STX19: variants seen among roughly 807,000 people sequenced by gnomAD.
STX19 encodes the protein syntaxin 19.
In STX19, 26 loss-of-function variants were observed where a neutral mutation model predicts 24.3. That is an observed-to-expected ratio of 1.07 (90% confidence interval 0.78 to 1.48). The LOEUF is 1.48. Ranked by LOEUF, STX19 falls within the 40% of genes most tolerant of loss-of-function variation. The probability of loss-of-function intolerance (pLI) is 0.00; values close to 1 mark genes in which losing one functional copy is unlikely to be tolerated. For synonymous variants in STX19, 116 were observed against 106.9 expected (o/e 1.09, Z -0.52); for missense variants, 367 against 331.9 (o/e 1.11, Z -0.82).
intron 1 of STX19, 87 bp downstream of exon 1, chr3:94,028,280 T>C (rs1009236062): frequency 6.6e-6 from 1 of 152,180 alleles, no homozygotes; most frequent in Admixed American, 6.5e-5. Context: ...CATTATTTGT[T>C]GAGTGATTTT....
intron 1 of STX19, among the ~76,000 whole-genome samples, chr3:94,027,278 A>G (rs1460473687): frequency 6.6e-6 from 1 of 152,100 alleles, no homozygotes; most frequent in Admixed American, 6.5e-5. Context: ...GTGAGGGCCA[A>G]ATAGTAGTTT....
At chr3:94,018,970 T>G (rs1054937800) in intron 1 of STX19, among the ~76,000 whole-genome samples, 1 of 152,052 alleles carries the variant, frequency 6.6e-6, no homozygotes, top group Admixed American at 6.5e-5. Context: ...TTCACCATGT[T>G]GGCCAGGCTG....
chr3:94,023,933 C>T (rs2076503351), intron 1 of STX19, among the ~76,000 whole-genome samples: 1 of 152,088 alleles, frequency 6.6e-6, no homozygotes, highest in Admixed American at 6.6e-5. Flanking sequence ...GATCACTTTA[C>T]ACTATAAAAG....
chr3:94,019,159 C>T (rs532095874), intron 1 of STX19, among the ~76,000 whole-genome samples: 131 of 152,186 alleles, frequency 8.6e-4, no homozygotes, highest in African/African-American at 3.0e-3. Context: ...GATCTAGCCA[C>T]CTCTTACCAT....
intron 1 of STX19, among the ~76,000 whole-genome samples, chr3:94,025,142 C>A (rs907879756): frequency 6.6e-6 from 1 of 151,994 alleles, no homozygotes; most frequent in Non-Finnish European, 1.5e-5. Context: ...CATGTAATAT[C>A]ATTCCCTGAA....
At chr3:94,018,936 T>G (rs2076390823) in intron 1 of STX19, among the ~76,000 whole-genome samples, 3 of 151,640 alleles carry the variant, frequency 2.0e-5, no homozygotes, top group Non-Finnish European at 1.5e-5. Flanking sequence ...CAGCTAATTT[T>G]TGTATTTTTA....
At chr3:94,022,130 T>G (rs1295652697) in intron 1 of STX19, among the ~76,000 whole-genome samples, 1 of 152,078 alleles carries the variant, frequency 6.6e-6, no homozygotes, top group East Asian at 1.9e-4. Context: ...TTATTTTATT[T>G]TATTTTTTTT....
intron 1 of STX19, among the ~76,000 whole-genome samples, chr3:94,020,017 T>C (rs1164667955): frequency 6.6e-6 from 1 of 152,212 alleles, no homozygotes. Context: ...TTATTTTTCT[T>C]AGCATTTTTC....
intron 1 of STX19, among the ~76,000 whole-genome samples, chr3:94,024,169 C>T (rs2076507721): frequency 6.6e-6 from 1 of 152,132 alleles, no homozygotes; most frequent in Non-Finnish European, 1.5e-5. Context: ...GGATCTCGCT[C>T]TTTTGTCCAG....
At chr3:94,024,221 G>A (rs981570283) in intron 1 of STX19, among the ~76,000 whole-genome samples, 4 of 152,188 alleles carry the variant, frequency 2.6e-5, no homozygotes, top group African/African-American at 9.6e-5. Flanking sequence ...CTTCCACCTT[G>A]ACTATGAATT....
chr3:94,017,828 T>C (rs1041804671), intron 1 of STX19, among the ~76,000 whole-genome samples: 1 of 152,094 alleles, frequency 6.6e-6, no homozygotes, highest in African/African-American at 2.4e-5. Context: ...TGAATGAGAC[T>C]GATATGTTTT....
At chr3:94,025,497 C>G in intron 1 of STX19, among the ~76,000 whole-genome samples, 1 of 152,250 alleles carries the variant, frequency 6.6e-6, no homozygotes, top group Admixed American at 6.5e-5. Flanking sequence ...TAGGTTATTT[C>G]TAGTTTCTTA....
chr3:94,014,425 A>G lies in STX19; in HGVS notation c.845T>C (p.Val282Ala). The change falls in exon 2 of 2, where the codon GTA becomes GCA. Residue 282 changes from valine to alanine, a missense_variant. Transcript: ENST00000315099. ...VKYKKRNPCR[V>A]LCCWCCPCCS... ...GCATGGACAGCACCAACAACACAGTACTCTGCAAGGATTTCTTTTTTTGTA... is the reference window on the plus strand; with the variant it reads ...GCATGGACAGCACCAACAACACAGTGCTCTGCAAGGATTTCTTTTTTTGTA... 6.3e-7 allele frequency: 1 copy of G among 1,581,590 alleles called. No homozygotes were observed. The highest frequency in any genetic ancestry group is 8.6e-7 in the Non-Finnish European group (1 of 1,169,298).
rs766701863 is a variant in STX19 at position 94,014,709 on chromosome 3, A to G, written c.561T>C (p.His187=). The G allele has an allele frequency of 6.2e-7, 1 of 1,612,854 alleles. No individual in the cohort carries two copies. Among genetic ancestry groups the G allele is most frequent in the Non-Finnish European group, 8.5e-7 (1 of 1,179,758 alleles). Residue 187 remains histidine (H), a synonymous_variant, in exon 2 of 2, where the codon CAT becomes CAC. Transcript: ENST00000315099. ...MSEEDVNDML[H]QGKWEVFNES... is the part of the protein sequence containing the mutation. Reference sequence around the variant, plus strand: ...CATTAAAAACTTCCCATTTTCCTTGATGAAGCATATCATTTACATCTTCTT... The same window carrying G: ...CATTAAAAACTTCCCATTTTCCTTGGTGAAGCATATCATTTACATCTTCTT...
intron 1 of STX19, among the ~76,000 whole-genome samples, chr3:94,019,963 A>G (rs184573416): frequency 2.4e-4 from 36 of 152,252 alleles, no homozygotes; most frequent in Admixed American, 2.2e-3. Context: ...TTGTCACCCT[A>G]TTTTGAACTA....
intron 1 of STX19, among the ~76,000 whole-genome samples, chr3:94,024,215 C>T (rs541525778): frequency 7.5e-4 from 114 of 152,196 alleles, no homozygotes; most frequent in African/African-American, 2.7e-3. Context: ...GGGATCCTTC[C>T]ACCTTGACTA....
At chr3:94,021,533 G>A (rs2076449301) in intron 1 of STX19, among the ~76,000 whole-genome samples, 1 of 152,124 alleles carries the variant, frequency 6.6e-6, no homozygotes, top group Non-Finnish European at 1.5e-5. Flanking sequence ...TCCAGGTATA[G>A]ATACTTAAAG....
In STX19 at chr3:94,014,666, T is replaced by G. The variant is rs2076290297; in HGVS notation, c.604A>C (p.Ile202Leu). Residue 202 changes from isoleucine (I) to leucine (L), a missense_variant, in exon 2 of 2, where the codon ATC becomes CTC. By Grantham distance (5) the Ile-to-Leu change is conservative. Transcript: ENST00000315099. ...EVFNESLLTE[I>L]NITKAQLSEI... is the part of the protein sequence containing the mutation. ...GAAAGTTGTGCTTTAGTGATATTGA[T>G]TTCTGTAAGTAAGCTTTCATTAAAA... 6.2e-7 allele frequency: 1 copy of G among 1,613,522 alleles called. No homozygotes were observed. The highest frequency in any genetic ancestry group is 8.5e-7 in the Non-Finnish European group (1 of 1,179,948).
chr3:94,014,663 T>C lies in STX19; in HGVS notation c.607A>G (p.Asn203Asp). Residue 203 changes from asparagine to aspartate, a missense_variant, in exon 2 of 2, where the codon AAT becomes GAT. Transcript: ENST00000315099. ...VFNESLLTEI[N>D]ITKAQLSEIE... is the part of the protein sequence containing the mutation. ...TCTGAAAGTTGTGCTTTAGTGATATTGATTTCTGTAAGTAAGCTTTCATTA... is the reference window on the plus strand; with the variant it reads ...TCTGAAAGTTGTGCTTTAGTGATATCGATTTCTGTAAGTAAGCTTTCATTA... The C allele has an allele frequency of 6.2e-7, 1 of 1,613,654 alleles. No homozygotes were observed. Among genetic ancestry groups the C allele is most frequent in the South Asian group, 1.1e-5 (1 of 90,966 alleles).
Sources: gnomAD v4.1 joint callset for allele counts (sites outside exome capture counted in the v4.1 genomes callset) on GRCh38, gnomAD v4.1.1 for gene constraint, MANE v1.5 for transcripts, NCBI Gene and HGNC (gene_info 2026-07-23, HGNC 2026-07-21) for gene names.